The following PLEKHG7 variants were observed in gnomAD, a reference collection of about 807,000 sequenced individuals.
PLEKHG7 encodes pleckstrin homology domain-containing family G member 7.
Under a neutral mutation model 85.2 loss-of-function variants are expected in PLEKHG7, and 77 were observed. The ratio of observed to expected loss-of-function variants is 0.90; its 90% CI spans 0.75 to 1.09. PLEKHG7 has a LOEUF of 1.09. PLEKHG7 is among the 50% of genes least tolerant of loss of function. The pLI, the probability that PLEKHG7 is intolerant of heterozygous loss-of-function variation, is 0.00. For missense variants in PLEKHG7, 777 were observed against 804.3 expected (o/e 0.97, Z 0.41); for synonymous variants, 301 against 302.4 (o/e 1.00, Z 0.05).
At chr12:92,744,319 G>A (rs10507016) in intron 9 of PLEKHG7, among the ~76,000 whole-genome samples, 63,925 of 152,024 alleles carry the variant, frequency 0.42, 14,623 homozygotes, top group East Asian at 0.89. Context: ...TAGACACTAT[G>A]GAATCCTGAA....
rs558657817 is a variant in PLEKHG7, at chr12:92,718,847, G to A, written c.531-10146G>A. On this transcript the variant is annotated intron_variant, in intron 3 of 16. Coordinates refer to ENST00000344636, the MANE Select transcript of PLEKHG7 (RefSeq NM_001377329.1). ...AGTTACCATGGTGCTCTGAACACAT[G>A]TCCTCAAAAAATATTACTGATTTGA... Among the ~76,000 whole-genome samples the A allele has an allele frequency of 1.1e-3, 172 of 152,282 alleles. 1 individual carries two copies. The highest frequency in any genetic ancestry group is 2.1e-3 in the Non-Finnish European group (145 of 68,028).
chr12:92,740,684 C>T (rs1872327114), intron 7 of PLEKHG7, among the ~76,000 whole-genome samples, 169 bp from the exon 8 acceptor site: 1 of 152,176 alleles, frequency 6.6e-6, no homozygotes, highest in Non-Finnish European at 1.5e-5. Context: ...TTCTTTGAAG[C>T]TTAAATGTGA....
At chr12:92,718,885 A>G (rs1871561067) in intron 3 of PLEKHG7, among the ~76,000 whole-genome samples, 1 of 152,220 alleles carries the variant, frequency 6.6e-6, no homozygotes, top group South Asian at 2.1e-4. Flanking sequence ...CCACAGCCAC[A>G]GTACATGGCA....
intron 15 of PLEKHG7, among the ~76,000 whole-genome samples, chr12:92,768,655 C>A (rs1043386912): frequency 1.3e-5 from 2 of 151,926 alleles, no homozygotes; most frequent in Non-Finnish European, 2.9e-5. Context: ...TATTTTCATA[C>A]ACAAAAAAAT....
chr12:92,745,878 T>C (rs1489223985), intron 10 of PLEKHG7, among the ~76,000 whole-genome samples: 2 of 152,212 alleles, frequency 1.3e-5, no homozygotes, highest in African/African-American at 4.8e-5. Flanking sequence ...CGGTAGAAAT[T>C]GGTACATTGT....
At chr12:92,738,744 A>G (rs1872258733) in intron 7 of PLEKHG7, among the ~76,000 whole-genome samples, 1 of 152,234 alleles carries the variant, frequency 6.6e-6, no homozygotes, top group Non-Finnish European at 1.5e-5. Flanking sequence ...GCTATCTCAT[A>G]AGACCATTAT....
chr12:92,761,666 GAAAGAAAGAA>G (rs888442179), intron 13 of PLEKHG7, 76 bp from the exon 14 acceptor site: 1 of 1,341,058 alleles, frequency 7.5e-7, no homozygotes, highest in Admixed American at 4.0e-5. Flanking sequence ...AAGAAAGAAA[GAAAGAAAGAA>G]AGAAAGAAAG....
chr12:92,760,861 AAGT>A (rs1325555060), intron 13 of PLEKHG7, among the ~76,000 whole-genome samples: 1 of 152,236 alleles, frequency 6.6e-6, no homozygotes, highest in East Asian at 1.9e-4. Flanking sequence ...CTTGAGAAAT[AAGT>A]AGTTTTAATG....
chr12:92,754,126 G>C lies in PLEKHG7; in HGVS notation c.1288G>C (p.Val430Leu), dbSNP rs771023819. ...EQNEQCRRLH[V>L]PELLVAPLQR... is the part of the protein sequence containing the mutation. ...GAATGAACAATGCAGACGGCTCCACGTGCCAGAGCTGCTAGTGGCCCCACT... is the reference window on the plus strand; with the variant it reads ...GAATGAACAATGCAGACGGCTCCACCTGCCAGAGCTGCTAGTGGCCCCACT... The change falls in exon 11 of 17, where the codon GTG becomes CTG. Residue 430 changes from valine (V) to leucine (L), a missense_variant. By Grantham distance (32) the Val-to-Leu change is conservative. Coordinates refer to ENST00000344636, the MANE Select transcript of PLEKHG7 (RefSeq NM_001377329.1). 1 of 1,613,960 alleles carries C rather than the reference G, an allele frequency of 6.2e-7. No individual in the cohort carries two copies. The highest frequency in any genetic ancestry group is 1.1e-5 in the South Asian group (1 of 91,066).
intron 10 of PLEKHG7, among the ~76,000 whole-genome samples, chr12:92,751,030 A>C (rs1872678121): frequency 6.6e-6 from 1 of 152,228 alleles, no homozygotes; most frequent in Non-Finnish European, 1.5e-5. Context: ...TACATTCATA[A>C]AGCTTAGCCT....
Position 92,768,969 on chromosome 12 carries a change from A to G in PLEKHG7, c.1871-14A>G. ...AATGATTTGGCTTTTTGTCTTTGTA[A>G]TATCTTTTTCTAGTCTTTGGGCTGA... is the stretch of plus-strand genomic sequence containing the variant. On this transcript the variant is annotated splice_polypyrimidine_tract_variant and intron_variant, in intron 15 of 16. Transcript: ENST00000344636. 1 of 1,523,922 alleles carries G rather than the reference A, an allele frequency of 6.6e-7. No homozygotes were observed. The highest frequency in any genetic ancestry group is 9.0e-7 in the Non-Finnish European group (1 of 1,114,148). 94.4% of individuals were successfully genotyped at this position (1,523,922 alleles called of 1,614,324 possible). A position where few individuals can be genotyped will look rare whatever the true frequency, so the allele number is the denominator to read the frequency against.
At chr12:92,723,994 A>G (rs997831733) in intron 3 of PLEKHG7, among the ~76,000 whole-genome samples, 1 of 152,150 alleles carries the variant, frequency 6.6e-6, no homozygotes, top group African/African-American at 2.4e-5. Flanking sequence ...TACATTTCTC[A>G]TTCAAATTAT....
chr12:92,704,831 G>A (rs966309559), intron 1 of PLEKHG7, among the ~76,000 whole-genome samples: 8 of 152,150 alleles, frequency 5.3e-5, no homozygotes, highest in African/African-American at 1.9e-4. Flanking sequence ...TCCCGCCTTT[G>A]CCTCCCAAAG....
chr12:92,753,203 A>C (rs1399741940), intron 10 of PLEKHG7, among the ~76,000 whole-genome samples: 2 of 152,148 alleles, frequency 1.3e-5, no homozygotes, highest in African/African-American at 4.8e-5. Context: ...GTAAGAGAAG[A>C]GGAAGAGAAC....
chr12:92,720,884 T>C (rs918743428), intron 3 of PLEKHG7, among the ~76,000 whole-genome samples: 13 of 152,330 alleles, frequency 8.5e-5, no homozygotes, highest in African/African-American at 3.1e-4. Flanking sequence ...TTGTAGTGCA[T>C]TAAAATAGTT....
chr12:92,758,824 G>A (rs529640921), intron 13 of PLEKHG7, among the ~76,000 whole-genome samples: 5 of 152,272 alleles, frequency 3.3e-5, no homozygotes, highest in Middle Eastern at 3.4e-3. Flanking sequence ...GTTGAGCATC[G>A]AGATTTGATG....
At chr12:92,703,808 G>A (rs963639554) in intron 1 of PLEKHG7, among the ~76,000 whole-genome samples, 3 of 152,144 alleles carry the variant, frequency 2.0e-5, no homozygotes, top group Admixed American at 1.3e-4. Context: ...AATTCTTACC[G>A]ATGTGAATCC....
intron 11 of PLEKHG7, 102 bp downstream of exon 11, chr12:92,754,366 G>A: frequency 8.7e-7 from 1 of 1,145,934 alleles, no homozygotes; most frequent in Non-Finnish European, 1.2e-6. Context: ...ACTGATTTGA[G>A]GTCATGGCTC....
intron 10 of PLEKHG7, 149 bp from the exon 11 acceptor site, chr12:92,753,941 A>T: frequency 1.4e-6 from 1 of 716,106 alleles, no homozygotes; most frequent in Non-Finnish European, 2.3e-6. Context: ...CAGGGGATTT[A>T]ATTTGTGGCT....
Sources: gnomAD v4.1 joint callset for allele counts (sites outside exome capture counted in the v4.1 genomes callset) on GRCh38, gnomAD v4.1.1 for gene constraint, MANE v1.5 for transcripts, NCBI Gene and HGNC (gene_info 2026-07-23, HGNC 2026-07-21) for gene names.